The following TBC1D14 variants were observed in gnomAD, a reference collection of about 807,000 sequenced individuals.
The protein encoded by TBC1D14 is TBC1 domain family, member 14.
In TBC1D14, 26 loss-of-function variants were observed where a neutral mutation model predicts 79.0. The ratio of observed to expected loss-of-function variants is 0.33; its 90% confidence interval spans 0.24 to 0.46. The LOEUF is 0.46. TBC1D14 is among the 20% of genes least tolerant of loss of function. The pLI is 1.00. For missense variants in TBC1D14, 769 were observed against 887.6 expected, an observed-to-expected ratio of 0.87 and a Z score of 1.70; for synonymous variants, 394 against 349.9, an observed-to-expected ratio of 1.13 and a Z score of -1.40.
intron 2 of TBC1D14, among the ~76,000 whole-genome samples, chr4:6,959,724 C>A (rs775510876): frequency 6.6e-6 from 1 of 152,172 alleles, no homozygotes; most frequent in Non-Finnish European, 1.5e-5. Flanking sequence ...CTTCCAAAGG[C>A]CTTGTTTTTT....
At chr4:7,000,705 C>T (rs915288341) in intron 6 of TBC1D14, among the ~76,000 whole-genome samples, 1 of 152,226 alleles carries the variant, frequency 6.6e-6, no homozygotes, top group African/African-American at 2.4e-5. Context: ...CGATGGCCGT[C>T]TGCTGACTCT....
chr4:6,942,787 G>A (rs1011781959), intron 2 of TBC1D14, among the ~76,000 whole-genome samples: 2 of 152,146 alleles, frequency 1.3e-5, no homozygotes, highest in African/African-American at 4.8e-5. Flanking sequence ...GGTGGGATGA[G>A]GAACCATATC....
rs373075162 is a variant in TBC1D14 at position 6,943,813 on chromosome 4, C to G, written c.722+19702C>G. Among the ~76,000 whole-genome samples the G allele has an allele frequency of 4.6e-5, 7 of 152,308 alleles. No homozygotes were observed. In the East Asian group the frequency reaches 9.6e-4, roughly 21 times the overall value. The stretch of plus-strand genomic sequence containing the variant: ...CCGGTGCAGGTGGTCAGCAGATAAC[C>G]TTGAGTGAATGTGAATCTAAAAAAA... On this transcript the variant is annotated intron_variant, in intron 2 of 13. Transcript: ENST00000409757.
intron 1 of TBC1D14, among the ~76,000 whole-genome samples, chr4:6,910,758 GC>G (rs1476221529): frequency 6.6e-6 from 1 of 152,196 alleles, no homozygotes. Context: ...GCCTGACCAG[GC>G]CACGTGAAGT....
chr4:7,006,909 A>G (rs1284905548), intron 9 of TBC1D14, among the ~76,000 whole-genome samples, 183 bp downstream of exon 9: 4 of 152,208 alleles, frequency 2.6e-5, no homozygotes, highest in African/African-American at 4.8e-5. Flanking sequence ...ATCATTTCCA[A>G]CAAATATTTA....
intron 2 of TBC1D14, among the ~76,000 whole-genome samples, chr4:6,949,038 G>C (rs1389578295): frequency 6.6e-6 from 1 of 151,650 alleles, no homozygotes; most frequent in Non-Finnish European, 1.5e-5. Flanking sequence ...GCCAGGCGTG[G>C]TGGCGCACAC....
chr4:6,983,612 C>A (rs1193975045), intron 3 of TBC1D14, among the ~76,000 whole-genome samples: 2 of 152,018 alleles, frequency 1.3e-5, no homozygotes, highest in Non-Finnish European at 2.9e-5. Flanking sequence ...ATGTCTAATC[C>A]CCATTTGTCC....
At chr4:6,958,376 T>TACACACAA (rs1553859858) in intron 2 of TBC1D14, among the ~76,000 whole-genome samples, 1 of 149,112 alleles carries the variant, frequency 6.7e-6, no homozygotes, top group Non-Finnish European at 1.5e-5. Flanking sequence ...TCCCCACATA[T>TACACACAA]ACACACACAC....
At chr4:7,024,296 T>C (rs1722116443) in intron 12 of TBC1D14, among the ~76,000 whole-genome samples, 1 of 152,180 alleles carries the variant, frequency 6.6e-6, no homozygotes, top group Non-Finnish European at 1.5e-5. Flanking sequence ...CCCAGCACTT[T>C]CTCTGTGCCA....
intron 4 of TBC1D14, among the ~76,000 whole-genome samples, chr4:6,994,807 C>T (rs1718842915): frequency 6.6e-6 from 1 of 151,132 alleles, no homozygotes; most frequent in African/African-American, 2.4e-5. Flanking sequence ...TTGCAGTGAG[C>T]CAAGATCACA....
chr4:7,010,854 T>G, intron 11 of TBC1D14, 73 bp downstream of exon 11: 1 of 1,515,410 alleles, frequency 6.6e-7, no homozygotes, highest in South Asian at 1.2e-5. Context: ...CGTCTGTGTT[T>G]TCGGTGGAAA....
intron 2 of TBC1D14, among the ~76,000 whole-genome samples, chr4:6,953,333 A>G (rs1264314822): frequency 1.5e-5 from 2 of 133,214 alleles, no homozygotes; most frequent in Admixed American, 7.2e-5. Context: ...ATAAGAATAG[A>G]TCAGTTGGCC....
intron 2 of TBC1D14, among the ~76,000 whole-genome samples, chr4:6,944,315 T>C (rs74999042): frequency 1.3e-3 from 201 of 152,154 alleles, no homozygotes; most frequent in Admixed American, 3.4e-3. Flanking sequence ...TTAATGTCTT[T>C]GTAGGATTTC....
intron 13 of TBC1D14, among the ~76,000 whole-genome samples, chr4:7,025,579 G>C (rs549252222): frequency 6.6e-6 from 1 of 152,336 alleles, no homozygotes; most frequent in Admixed American, 6.5e-5. Context: ...TGTAAGCCAC[G>C]TACCCCCCTT....
chr4:6,980,517 G>A (rs991335463), intron 3 of TBC1D14, among the ~76,000 whole-genome samples: 1 of 152,122 alleles, frequency 6.6e-6, no homozygotes, highest in Non-Finnish European at 1.5e-5. Context: ...AAGGAAGCAA[G>A]TAATAAGTGT....
intron 11 of TBC1D14, among the ~76,000 whole-genome samples, chr4:7,013,038 C>A (rs1305683735): frequency 2.6e-5 from 4 of 152,028 alleles, no homozygotes; most frequent in Non-Finnish European, 5.9e-5. Flanking sequence ...AAGATAAGAC[C>A]CCAGCTTTCT....
chr4:6,998,953 G>A (rs34221933), intron 5 of TBC1D14, 132 bp from the exon 6 acceptor site: 88,836 of 738,166 alleles, frequency 0.12, 5,851 homozygotes, highest in Middle Eastern at 0.19. Context: ...TGAAGTGAGC[G>A]CTGGAGCTGA....
intron 12 of TBC1D14, among the ~76,000 whole-genome samples, chr4:7,015,724 A>G (rs1721214407): frequency 6.6e-6 from 1 of 152,122 alleles, no homozygotes; most frequent in Non-Finnish European, 1.5e-5. Context: ...CAGCAGCCCC[A>G]GCCCAAACCC....
At chr4:7,025,991 A>G (rs1022731302) in intron 13 of TBC1D14, among the ~76,000 whole-genome samples, 8 of 152,146 alleles carry the variant, frequency 5.3e-5, no homozygotes, top group African/African-American at 1.9e-4. Flanking sequence ...ATTGACGTCT[A>G]TGAAGACTTT....
Sources: gnomAD v4.1 joint callset for allele counts (sites outside exome capture counted in the v4.1 genomes callset) on GRCh38, gnomAD v4.1.1 for gene constraint, MANE v1.5 for transcripts, NCBI Gene and HGNC (gene_info 2026-07-23, HGNC 2026-07-21) for gene names.